Variants in DLG3 observed in about 807,000 individuals in gnomAD.
DLG3 encodes discs large MAGUK scaffold protein 3.
A neutral mutation model predicts 64.1 loss-of-function variants in DLG3; 1 was observed. That is an observed-to-expected ratio of 0.02 (90% CI 0.01 to 0.07). DLG3 has a LOEUF of 0.07. Among genes scored for constraint, DLG3 ranks in the 10% least tolerant of loss-of-function variants. The pLI is 1.00. For missense variants in DLG3, 429 were observed against 669.5 expected, an observed-to-expected ratio of 0.64 and a Z score of 3.96; for synonymous variants, 245 against 259.8, an observed-to-expected ratio of 0.94 and a Z score of 0.55.
chrX:70,500,652 G>T (rs905340874), intron 17 of DLG3, 72 bp downstream of exon 17: 1 of 902,522 alleles, frequency 1.1e-6, no homozygotes, highest in African/African-American at 2.0e-5. Flanking sequence ...AGAAGAAAGT[G>T]ATTTGCTGGG....
chrX:70,499,166 C>T lies in DLG3; in HGVS notation c.1871-10C>T, dbSNP rs2087510424. On this transcript the variant is annotated splice_polypyrimidine_tract_variant and intron_variant, in intron 14 of 18. Transcript: ENST00000374360. ...CCTCTGTTCACTGTCTCGATGCTCT[C>T]CCTCTCTAGTTCACTATGCAAGGCC... The T allele has an allele frequency of 1.7e-6, 2 of 1,183,369 alleles. No homozygotes were observed. Among genetic ancestry groups the T allele is most frequent in the Non-Finnish European group, 2.3e-6 (2 of 870,278 alleles).
intron 9 of DLG3, 73 bp downstream of exon 9, chrX:70,454,389 C>T (rs2086665200): frequency 2.1e-6 from 2 of 942,528 alleles, no homozygotes; most frequent in South Asian, 2.1e-5. Context: ...TTTTTGCCAT[C>T]CTAGGTAACA....
At chrX:70,495,537 G>A (rs761523735) in intron 13 of DLG3, 84 bp downstream of exon 13, 1 of 947,399 alleles carries the variant, frequency 1.1e-6, no homozygotes. Flanking sequence ...CATGGGTGAG[G>A]GTGAAGGGTG....
intron 13 of DLG3, 41 bp from the exon 14 acceptor site, chrX:70,498,479 C>A: frequency 8.5e-7 from 1 of 1,183,012 alleles, no homozygotes; most frequent in Non-Finnish European, 1.1e-6. Context: ...CAGAAGGAGG[C>A]AGATCATATG....
intron 10 of DLG3, among the ~76,000 whole-genome samples, chrX:70,480,718 G>C (rs1602951474): frequency 8.9e-6 from 1 of 112,361 alleles, no homozygotes; most frequent in Non-Finnish European, 1.9e-5. Flanking sequence ...GGATTGTTCC[G>C]TTCCGTGCTT....
chrX:70,487,116 C>A (rs773017284), intron 10 of DLG3, among the ~76,000 whole-genome samples: 1 of 112,396 alleles, frequency 8.9e-6, no homozygotes, highest in Non-Finnish European at 1.9e-5. Context: ...GACTTTAGTA[C>A]GCTGGCCTAC....
At chrX:70,468,358 C>T (rs916941486) in intron 9 of DLG3, among the ~76,000 whole-genome samples, 8 of 111,978 alleles carry the variant, frequency 7.1e-5, no homozygotes, top group African/African-American at 2.3e-4. Flanking sequence ...GAGTGAGCCA[C>T]GCGGCACCTG....
At chrX:70,450,346 G>T (rs747133636) in intron 5 of DLG3, 41 bp downstream of exon 5, 1 of 1,160,040 alleles carries the variant, frequency 8.6e-7, no homozygotes, top group South Asian at 1.9e-5. Context: ...GGTAGGGTAG[G>T]GAGGAGGAGC....
At chrX:70,483,961 G>A (rs1235098981) in intron 10 of DLG3, among the ~76,000 whole-genome samples, 1 of 112,268 alleles carries the variant, frequency 8.9e-6, no homozygotes, top group African/African-American at 3.2e-5. Flanking sequence ...CTTGCTTAGG[G>A]TTGGGATGGG....
intron 9 of DLG3, among the ~76,000 whole-genome samples, chrX:70,457,779 GC>G (rs889527653): frequency 2.7e-5 from 3 of 110,563 alleles, no homozygotes; most frequent in Non-Finnish European, 3.8e-5. Flanking sequence ...CACCATGTTA[GC>G]CAGGATGGTC....
intron 1 of DLG3, chrX:70,448,632 C>T (rs1169392230): frequency 8.6e-7 from 1 of 1,163,398 alleles, no homozygotes; most frequent in Middle Eastern, 2.3e-4. Flanking sequence ...CACAGCCTCT[C>T]GGTGAGTGCA....
intron 10 of DLG3, among the ~76,000 whole-genome samples, chrX:70,487,313 C>T (rs140304096): frequency 2.0e-3 from 221 of 112,090 alleles, no homozygotes; most frequent in African/African-American, 6.7e-3. Context: ...CTTGGATGCA[C>T]GGCTGATCCC....
chrX:70,474,643 G>C (rs2087023957), intron 9 of DLG3, among the ~76,000 whole-genome samples: 1 of 111,144 alleles, frequency 9.0e-6, no homozygotes, highest in Admixed American at 9.6e-5. Context: ...CAGGGCCAGG[G>C]AAAGAGGGAG....
rs1034984297 is a variant in DLG3, at chrX:70,453,851, C to T, written c.1302+58C>T. ...AACTGTGCCAGTCTAAAATGGAGAGCGAGAGACCTTACTTCCTCCGAGGAA... is the reference window on the plus strand; with the variant it reads ...AACTGTGCCAGTCTAAAATGGAGAGTGAGAGACCTTACTTCCTCCGAGGAA... On this transcript the variant is annotated intron_variant, in intron 8 of 18. Transcript: ENST00000374360. 4 of 1,029,519 alleles carry T rather than the reference C, an allele frequency of 3.9e-6. No homozygotes were observed. Among genetic ancestry groups the T allele is most frequent in the African/African-American group, 1.9e-5 (1 of 52,806 alleles). The allele number at this position is 1,029,519 out of a possible 1,213,427, so 84.8% of individuals were successfully genotyped here. A position where few individuals can be genotyped will look rare whatever the true frequency, so the allele number is the denominator to read the frequency against.
chrX:70,504,628 G>A lies in DLG3; in HGVS notation c.*2359G>A. Reference sequence around the variant, plus strand: ...CCAGATGGGAGTCCACATCTGTGGTGGCAAAATGCTGACATTTTCCCAAGA... The same window carrying A: ...CCAGATGGGAGTCCACATCTGTGGTAGCAAAATGCTGACATTTTCCCAAGA... On this transcript the variant is annotated 3_prime_UTR_variant, in exon 19 of 19. Coordinates refer to ENST00000374360, the MANE Select transcript of DLG3 (RefSeq NM_021120.4). 1 of 112,244 alleles carries A rather than the reference G, an allele frequency of 8.9e-6. No individual in the cohort carries two copies. The allele number at this position is 112,244 out of a possible 1,213,427, so 9.3% of individuals were successfully genotyped here.
chrX:70,485,716 T>C (rs1237736769), intron 10 of DLG3, among the ~76,000 whole-genome samples: 3 of 111,877 alleles, frequency 2.7e-5, no homozygotes, highest in Non-Finnish European at 3.8e-5. Flanking sequence ...TGCCAAGTGC[T>C]TATAATTTCT....
At chrX:70,493,438 C>T in intron 12 of DLG3, 1 of 1,208,751 alleles carries the variant, frequency 8.3e-7, no homozygotes, top group East Asian at 3.0e-5. Context: ...TTTACAAGAG[C>T]AAAGAAAACA....
At chrX:70,452,730 T>A (rs749865823) in intron 7 of DLG3, 1 of 1,196,309 alleles carries the variant, frequency 8.4e-7, no homozygotes. Flanking sequence ...GCCGCTCCGC[T>A]CCCTGCGGCC....
chrX:70,459,379 G>C (rs1350411041), intron 9 of DLG3, among the ~76,000 whole-genome samples: 1 of 112,441 alleles, frequency 8.9e-6, no homozygotes, highest in Admixed American at 9.4e-5. Context: ...AAGCATAAAA[G>C]GGATATTTTC....
Sources: allele counts gnomAD v4.1 joint callset (sites outside exome capture counted in the v4.1 genomes callset), GRCh38; gene constraint gnomAD v4.1.1; transcripts MANE v1.5; gene names NCBI Gene and HGNC (gene_info 2026-07-23, HGNC 2026-07-21).